Variants in FBXW12 observed in about 807,000 individuals in gnomAD.
The protein encoded by FBXW12 is F-box/WD repeat-containing protein 12.
A neutral mutation model predicts 55.3 loss-of-function variants in FBXW12; 43 were observed. The ratio of observed to expected loss-of-function variants is 0.78; its 90% CI spans 0.61 to 1.00. The LOEUF (loss-of-function observed/expected upper bound fraction) is 1.00. Ranked by LOEUF, FBXW12 falls within the 50% of genes least tolerant of loss-of-function variation. FBXW12 has a pLI of 0.00. For synonymous variants in FBXW12, 184 were observed against 203.8 expected (o/e 0.90, Z 0.83); for missense variants, 524 against 560.5 (o/e 0.93, Z 0.66).
chr3:48,377,089 T>G, intron 5 of FBXW12, among the ~76,000 whole-genome samples: 1 of 152,188 alleles, frequency 6.6e-6, no homozygotes, highest in East Asian at 1.9e-4. Context: ...TACAATGGTA[T>G]GAGACATTTG....
At chr3:48,392,331 G>GTAA (rs2036940317) in intron 10 of FBXW12, among the ~76,000 whole-genome samples, 3 of 151,844 alleles carry the variant, frequency 2.0e-5, no homozygotes, top group African/African-American at 7.3e-5. Flanking sequence ...GGCATCTGTA[G>GTAA]TCCCAGTTAC....
chr3:48,380,896 C>T lies in FBXW12; in HGVS notation c.969C>T (p.Gly323=), dbSNP rs1234156684. 2 of 1,613,786 alleles carry T rather than the reference C, an allele frequency of 1.2e-6. No individual in the cohort carries two copies. Among genetic ancestry groups the T allele is most frequent in the African/African-American group, 2.7e-5 (2 of 74,922 alleles). ...ATCTAACAACCAAGAAGACTGGAGGCCAAACAGTCATCCAAGGTAGGCTGT... is the reference window on the plus strand; with the variant it reads ...ATCTAACAACCAAGAAGACTGGAGGTCAAACAGTCATCCAAGGTAGGCTGT... ...TFDLTTKKTG[G]QTVIQAYEIA... Residue 323 remains glycine, a synonymous_variant, in exon 8 of 11, where the codon GGC becomes GGT. Transcript: ENST00000296438.
intron 10 of FBXW12, among the ~76,000 whole-genome samples, chr3:48,385,423 C>G (rs1181366258): frequency 6.6e-6 from 1 of 151,804 alleles, no homozygotes; most frequent in Non-Finnish European, 1.5e-5. Context: ...CATTGATATA[C>G]ACTTAGGTTG....
chr3:48,387,439 CTAT>C (rs1217140916), intron 10 of FBXW12, among the ~76,000 whole-genome samples: 2 of 101,062 alleles, frequency 2.0e-5, no homozygotes, highest in Non-Finnish European at 4.1e-5. Context: ...CTTTTGGTCT[CTAT>C]TTTTTTTTTT....
intron 6 of FBXW12, 33 bp from the exon 7 acceptor site, chr3:48,379,366 TC>T: frequency 6.2e-7 from 1 of 1,605,908 alleles, no homozygotes. Flanking sequence ...TCACATATCT[TC>T]CTATTGATAT....
intron 10 of FBXW12, among the ~76,000 whole-genome samples, chr3:48,393,782 CTT>C (rs33998468): frequency 7.2e-5 from 10 of 138,468 alleles, no homozygotes; most frequent in Admixed American, 7.3e-5. Flanking sequence ...TTTTTTCTTT[CTT>C]TTTTTTTTTT....
chr3:48,379,385 A>T lies in FBXW12; in HGVS notation c.616-15A>T. On this transcript the variant is annotated splice_polypyrimidine_tract_variant and intron_variant, in intron 6 of 10. Transcript: ENST00000296438. ...ATATCTTCCTATTGATATGGTGGGGATGCTTTGGTTTCAGGTTGGCGATGC... is the reference window on the plus strand; with the variant it reads ...ATATCTTCCTATTGATATGGTGGGGTTGCTTTGGTTTCAGGTTGGCGATGC... 6.2e-7 allele frequency: 1 copy of T among 1,613,366 alleles called. No homozygotes were observed. The highest frequency in any genetic ancestry group is 1.1e-5 in the South Asian group (1 of 91,024).
chr3:48,391,317 TACACACACACACACACAC>T (rs140067012), intron 10 of FBXW12, among the ~76,000 whole-genome samples: 37 of 133,078 alleles, frequency 2.8e-4, no homozygotes, highest in African/African-American at 8.4e-4. Flanking sequence ...TATCTATCTA[TACACACACACACACACAC>T]ACACACACAC....
rs756808487 is a variant in FBXW12 at position 48,378,439 on chromosome 3, G to C, written c.528G>C (p.Gln176His). ...AAACTATCAAAGTGTGGAACTGTCA[G>C]GACAGGGACGCTCTGGCTGTTCTCC... ...RKKTIKVWNC[Q>H]DRDALAVLPM... The change falls in exon 6 of 11, where the codon CAG becomes CAC. Residue 176 changes from glutamine to histidine, a missense_variant. By Grantham distance (24) the Gln-to-His change is conservative. Coordinates refer to ENST00000296438, the MANE Select transcript of FBXW12 (RefSeq NM_207102.2). The C allele has an allele frequency of 1.2e-5, 19 of 1,614,064 alleles. No individual in the cohort carries two copies. Among genetic ancestry groups the C allele is most frequent in the Non-Finnish European group, 1.6e-5 (19 of 1,180,006 alleles).
At position 48,373,688 on chromosome 3, in the gene FBXW12, A is replaced by T; in HGVS notation, c.269A>T (p.Lys90Ile). 1 of 1,614,034 alleles carries T rather than the reference A, an allele frequency of 6.2e-7. No individual in the cohort carries two copies. Among genetic ancestry groups the T allele is most frequent in the Non-Finnish European group, 8.5e-7 (1 of 1,179,898 alleles). The stretch of plus-strand genomic sequence containing the variant: ...GCACAGCCGCATAACTTTATCTACA[A>T]AGTAACTAAGAACATCGGTATGGGT... Reference protein sequence around the residue: ...ALAQPHNFIYKVTKNIAFETE... With the variant: ...ALAQPHNFIYIVTKNIAFETE... Residue 90 changes from lysine to isoleucine, a missense_variant, in exon 4 of 11, where the codon AAA becomes ATA. Physicochemically the swap from Lys to Ile is moderately radical, Grantham distance 102 (BLOSUM62 -3). Coordinates refer to ENST00000296438, the MANE Select transcript of FBXW12 (RefSeq NM_207102.2).
At chr3:48,388,351 CAATT>C (rs1248810185) in intron 10 of FBXW12, among the ~76,000 whole-genome samples, 1 of 152,194 alleles carries the variant, frequency 6.6e-6, no homozygotes, top group Non-Finnish European at 1.5e-5. Flanking sequence ...GTGATTCTAT[CAATT>C]GAGAGACTGT....
chr3:48,390,836 T>C (rs561887097), intron 10 of FBXW12, among the ~76,000 whole-genome samples: 1 of 152,306 alleles, frequency 6.6e-6, no homozygotes, highest in African/African-American at 2.4e-5. Context: ...TCATTCTTGA[T>C]TGGCCCTCAG....
chr3:48,384,489 A>C (rs918730041), intron 10 of FBXW12, among the ~76,000 whole-genome samples: 1 of 152,090 alleles, frequency 6.6e-6, no homozygotes, highest in Non-Finnish European at 1.5e-5. Context: ...TCTGTCAAAC[A>C]GTTTTCTTTC....
chr3:48,390,201 A>T (rs966870445), intron 10 of FBXW12, among the ~76,000 whole-genome samples: 1 of 152,082 alleles, frequency 6.6e-6, no homozygotes, highest in East Asian at 1.9e-4. Context: ...TTTAATATGG[A>T]ATCAGGATCT....
chr3:48,388,299 ATCT>A (rs1453581072), intron 10 of FBXW12, among the ~76,000 whole-genome samples: 2 of 152,114 alleles, frequency 1.3e-5, no homozygotes, highest in Non-Finnish European at 2.9e-5. Context: ...ACCTTGGTTG[ATCT>A]TCTTCAGTTC....
chr3:48,372,232 A>C lies in FBXW12; in HGVS notation c.-173A>C. On this transcript the variant is annotated 5_prime_UTR_variant, in exon 1 of 11. Coordinates refer to ENST00000296438, the MANE Select transcript of FBXW12 (RefSeq NM_207102.2). Reference sequence around the variant, plus strand: ...CAGCTTGGCACGTTCTTTCTCCTCCACTGCAAAGTTAAATGCGAGAAGGTA... The same window carrying C: ...CAGCTTGGCACGTTCTTTCTCCTCCCCTGCAAAGTTAAATGCGAGAAGGTA... 1 of 1,547,340 alleles carries C rather than the reference A, an allele frequency of 6.5e-7. No homozygotes were observed. Among genetic ancestry groups the C allele is most frequent in the Non-Finnish European group, 8.7e-7 (1 of 1,142,986 alleles).
Position 48,380,871 on chromosome 3 carries a change from A to T in FBXW12, c.944A>T (p.Asp315Val). Residue 315 changes from aspartate to valine, a missense_variant, in exon 8 of 11, where the codon GAT becomes GTT. Physicochemically the swap from Asp to Val is radical, Grantham distance 152 (BLOSUM62 -3). Coordinates refer to ENST00000296438, the MANE Select transcript of FBXW12 (RefSeq NM_207102.2). ...AAAAAGACAGAATTTATCACCTTTG[A>T]TCTAACAACCAAGAAGACTGGAGGC... ...TGKKTEFITF[D>V]LTTKKTGGQT... The T allele has an allele frequency of 1.2e-6, 2 of 1,614,132 alleles. No individual in the cohort carries two copies. Among genetic ancestry groups the T allele is most frequent in the Non-Finnish European group, 1.7e-6 (2 of 1,180,028 alleles).
intron 10 of FBXW12, among the ~76,000 whole-genome samples, chr3:48,392,086 G>C (rs2036936550): frequency 6.6e-6 from 1 of 152,060 alleles, no homozygotes; most frequent in Non-Finnish European, 1.5e-5. Flanking sequence ...CATTCCACTG[G>C]ACAATGTATC....
intron 10 of FBXW12, 54 bp from the exon 11 acceptor site, chr3:48,394,506 G>A: frequency 2.0e-6 from 2 of 996,978 alleles, no homozygotes; most frequent in Non-Finnish European, 1.6e-6. Flanking sequence ...TATTAACAAT[G>A]GATGTACCTA....
Sources: allele counts gnomAD v4.1 joint callset (sites outside exome capture counted in the v4.1 genomes callset), GRCh38; gene constraint gnomAD v4.1.1; transcripts MANE v1.5; gene names NCBI Gene and HGNC (gene_info 2026-07-23, HGNC 2026-07-21).